The following C1orf21 variants were observed in gnomAD, a reference collection of about 807,000 sequenced individuals.
The protein encoded by C1orf21 is uncharacterized protein C1orf21.
A neutral mutation model predicts 18.7 loss-of-function variants in C1orf21; 3 were observed. The observed-to-expected ratio is 0.16, with a 90% CI of 0.07 to 0.42. The LOEUF is 0.42. C1orf21 is among the 10% of genes least tolerant of loss of function. C1orf21 has a pLI of 0.99. For missense variants in C1orf21, 104 were observed against 143.6 expected (o/e 0.72, Z 1.41); for synonymous variants, 41 against 46.4 (o/e 0.88, Z 0.47).
intron 3 of C1orf21, among the ~76,000 whole-genome samples, chr1:184,527,297 T>C (rs1658392107): frequency 1.3e-5 from 2 of 152,178 alleles, no homozygotes; most frequent in African/African-American, 2.4e-5. Context: ...AATACAGCAG[T>C]ATACAAAATA....
Position 184,590,869 on chromosome 1 carries a change from T to C in C1orf21, c.266+54T>C, listed in dbSNP as rs374489712. ...TAGTCGGCCTTCCATATCCATGGAT[T>C]CTGCATCTGTGGATTCAACTACCCA... is the stretch of plus-strand genomic sequence containing the variant. On this transcript the variant is annotated intron_variant, in intron 4 of 5. Coordinates refer to ENST00000235307, the MANE Select transcript of C1orf21 (RefSeq NM_030806.4). 499 of 1,431,556 alleles carry C rather than the reference T, an allele frequency of 3.5e-4. 3 individuals are homozygous for C. The highest frequency in any genetic ancestry group is 2.5e-3 in the South Asian group (211 of 85,172). The allele number at this position is 1,431,556 out of a possible 1,614,324, so 88.7% of individuals were successfully genotyped here. A position where few individuals can be genotyped will look rare whatever the true frequency, so the allele number is the denominator to read the frequency against.
At chr1:184,565,170 GTGCACACACATA>G (rs772646603) in intron 3 of C1orf21, among the ~76,000 whole-genome samples, 8 of 152,168 alleles carry the variant, frequency 5.3e-5, no homozygotes, top group Non-Finnish European at 1.0e-4. Context: ...TCAGAAGTGT[GTGCACACACATA>G]TGCACACACA....
chr1:184,395,125 C>G (rs1419142475), intron 1 of C1orf21, among the ~76,000 whole-genome samples: 1 of 152,170 alleles, frequency 6.6e-6, no homozygotes, highest in African/African-American at 2.4e-5. Flanking sequence ...CCCTTACCTT[C>G]CATGAACTGC....
chr1:184,387,961 T>C lies in C1orf21; in HGVS notation c.-125+593T>C, dbSNP rs1655913470. Among the ~76,000 whole-genome samples the C allele has an allele frequency of 6.6e-6, 1 of 152,108 alleles. No individual in the cohort carries two copies. The highest frequency in any genetic ancestry group is 2.1e-4 in the South Asian group (1 of 4,814). ...CATCTGTTTGCCCACCTCGGTGTAT[T>C]TATTATTCGTGCCCATGCGAGGCAG... On this transcript the variant is annotated intron_variant, in intron 1 of 5. Transcript: ENST00000235307. The surrounding 1 kb of genome is among the most constrained non-coding windows in gnomAD (Gnocchi z 5.6).
chr1:184,565,982 A>G (rs1473108728), intron 3 of C1orf21, among the ~76,000 whole-genome samples: 2 of 152,182 alleles, frequency 1.3e-5, no homozygotes, highest in South Asian at 2.1e-4. Context: ...TGAAAGAGAT[A>G]ATATATTAAA....
chr1:184,562,693 TA>T, intron 3 of C1orf21, among the ~76,000 whole-genome samples: 1 of 152,250 alleles, frequency 6.6e-6, no homozygotes. Flanking sequence ...AAGCAAGTAT[TA>T]AAAGTGCTGC....
Position 184,600,134 on chromosome 1 carries a change from A to G in C1orf21, c.327+1673A>G, listed in dbSNP as rs545442261. Among the ~76,000 whole-genome samples, 41 of 152,032 alleles carry G rather than the reference A, an allele frequency of 2.7e-4. 2 individuals are homozygous for G. In the South Asian group the frequency reaches 8.5e-3, roughly 32 times the overall value. On this transcript the variant is annotated intron_variant, in intron 5 of 5. Transcript: ENST00000235307. ...ATCTTTTTAAACAACACTTACAAAC[A>G]CTTAAAATGATATAATCTATATCCA...
intron 1 of C1orf21, among the ~76,000 whole-genome samples, chr1:184,473,619 C>T (rs972219609): frequency 6.6e-6 from 1 of 152,066 alleles, no homozygotes. Flanking sequence ...AAAGAATTTT[C>T]GGTAGAAATG....
chr1:184,497,574 TA>T (rs879732776), intron 2 of C1orf21, among the ~76,000 whole-genome samples: 4 of 152,210 alleles, frequency 2.6e-5, no homozygotes, highest in Non-Finnish European at 4.4e-5. Context: ...AAGTCATGAA[TA>T]TTTTTTATAA....
intron 1 of C1orf21, among the ~76,000 whole-genome samples, chr1:184,455,754 G>A (rs1352152324): frequency 1.3e-5 from 2 of 152,086 alleles, no homozygotes; most frequent in Non-Finnish European, 2.9e-5. Context: ...CTGCTGAATG[G>A]GATCATGAAT....
intron 1 of C1orf21, among the ~76,000 whole-genome samples, chr1:184,402,784 A>C (rs1242455584): frequency 6.6e-6 from 1 of 152,182 alleles, no homozygotes; most frequent in African/African-American, 2.4e-5. Context: ...GAGGTTGTAC[A>C]GTATGTCTTC....
At chr1:184,605,993 G>A (rs965303759) in intron 5 of C1orf21, among the ~76,000 whole-genome samples, 3 of 152,282 alleles carry the variant, frequency 2.0e-5, no homozygotes, top group South Asian at 2.1e-4. Context: ...GCCTTCCTAC[G>A]GTACAAATAT....
chr1:184,506,188 T>C (rs577044900), intron 2 of C1orf21, among the ~76,000 whole-genome samples: 61 of 152,296 alleles, frequency 4.0e-4, no homozygotes, highest in African/African-American at 1.4e-3. Flanking sequence ...ATAGAATCAA[T>C]AATAACTCTA....
intron 5 of C1orf21, among the ~76,000 whole-genome samples, chr1:184,611,146 A>C: frequency 6.6e-6 from 1 of 152,222 alleles, no homozygotes; most frequent in East Asian, 1.9e-4. Flanking sequence ...AGCTCATTAG[A>C]GACGGAGAAA....
At chr1:184,401,986 A>G (rs575706315) in intron 1 of C1orf21, among the ~76,000 whole-genome samples, 4 of 152,306 alleles carry the variant, frequency 2.6e-5, no homozygotes, top group Admixed American at 2.6e-4. Flanking sequence ...TTTCATCATA[A>G]ATGCTTGATC....
intron 3 of C1orf21, among the ~76,000 whole-genome samples, chr1:184,549,475 A>C (rs994765578): frequency 6.6e-6 from 1 of 152,014 alleles, no homozygotes; most frequent in African/African-American, 2.4e-5. Flanking sequence ...AAATATATAA[A>C]GTTACATACA....
intron 5 of C1orf21, among the ~76,000 whole-genome samples, chr1:184,612,080 A>G (rs1659744269): frequency 6.6e-6 from 1 of 152,200 alleles, no homozygotes; most frequent in South Asian, 2.1e-4. Context: ...TATCTCAGTG[A>G]CTGTGTTATT....
chr1:184,413,429 C>T (rs978671916), intron 1 of C1orf21, among the ~76,000 whole-genome samples: 6 of 152,086 alleles, frequency 3.9e-5, no homozygotes, highest in East Asian at 1.9e-4. Context: ...GGGAGTGAAG[C>T]GTAGATGTCA....
intron 2 of C1orf21, among the ~76,000 whole-genome samples, chr1:184,482,462 G>A (rs1223664141): frequency 6.6e-6 from 1 of 152,204 alleles, no homozygotes; most frequent in East Asian, 1.9e-4. Flanking sequence ...GAAAGAGGAG[G>A]AATTGTTGGG....
Sources: allele counts gnomAD v4.1 joint callset (sites outside exome capture counted in the v4.1 genomes callset), GRCh38; gene constraint gnomAD v4.1.1; non-coding constraint Gnocchi (gnomAD v3.1); transcripts MANE v1.5; gene names NCBI Gene and HGNC (gene_info 2026-07-23, HGNC 2026-07-21).